Variants in SBNO1 observed in about 807,000 individuals in gnomAD.
The protein encoded by SBNO1 is protein strawberry notch homolog 1.
A neutral mutation model predicts 173.6 loss-of-function variants in SBNO1; 23 were observed. The observed-to-expected ratio is 0.13, with a 90% CI of 0.10 to 0.19. SBNO1 has a LOEUF of 0.19. Among genes scored for constraint, SBNO1 ranks in the 10% least tolerant of loss-of-function variants. The probability of loss-of-function intolerance (pLI) is 1.00; values close to 1 mark genes in which losing one functional copy is unlikely to be tolerated. For missense variants in SBNO1, 1,238 were observed against 1,671.2 expected (o/e 0.74, Z 4.52); for synonymous variants, 632 against 571.5 (o/e 1.11, Z -1.51).
At chr12:123,349,024 G>A (rs905374245) in intron 2 of SBNO1, 9 of 149,176 alleles carry the variant, frequency 6.0e-5, no homozygotes, top group South Asian at 2.1e-4. Context: ...TGAAGCAGTC[G>A]GAGTAGAGGA....
chr12:123,317,457 T>C (rs1869418759), intron 20 of SBNO1, 101 bp from the exon 21 acceptor site: 1 of 1,006,928 alleles, frequency 9.9e-7, no homozygotes, highest in African/African-American at 1.6e-5. Flanking sequence ...CTCTCCTTCT[T>C]TCTCAATAAT....
chr12:123,339,585 G>T (rs941978799), intron 5 of SBNO1, among the ~76,000 whole-genome samples: 1 of 151,954 alleles, frequency 6.6e-6, no homozygotes, highest in African/African-American at 2.4e-5. Flanking sequence ...TCAGGTATTC[G>T]AGACCAGCCT....
In SBNO1 at chr12:123,318,014, T is replaced by C. The variant is rs181437551; in HGVS notation, c.2800-658A>G. On this transcript the variant is annotated intron_variant, in intron 20 of 31. Coordinates refer to ENST00000602398, the MANE Select transcript of SBNO1 (RefSeq NM_001167856.3). ...TCTCACTCTGTCACACAAGCTGGAG[T>C]GCAGTGGTGCAATCATAGCTCTCTA... is the stretch of plus-strand genomic sequence containing the variant. 1.6e-4 allele frequency among the ~76,000 whole-genome samples: 25 copies of C among 152,234 alleles called. No homozygotes were observed. The East Asian group carries it at 4.6e-3, about 28-fold the overall frequency.
At chr12:123,323,980 C>A in intron 15 of SBNO1, 149 bp from the exon 16 acceptor site, 3 of 530,674 alleles carry the variant, frequency 5.7e-6, no homozygotes, top group South Asian at 9.6e-5. Flanking sequence ...TAGCCCAAAG[C>A]TGTCCAACTA....
intron 4 of SBNO1, among the ~76,000 whole-genome samples, chr12:123,344,166 G>A (rs1239183416): frequency 6.6e-6 from 1 of 152,164 alleles, no homozygotes; most frequent in Non-Finnish European, 1.5e-5. Context: ...GTAACGAGAA[G>A]CATCTTCCAC....
At chr12:123,310,955 T>G (rs1397763985) in intron 25 of SBNO1, 100 bp downstream of exon 25, 1 of 898,276 alleles carries the variant, frequency 1.1e-6, no homozygotes, top group African/African-American at 1.7e-5. Context: ...CAGAATGTTT[T>G]AAGAACATGA....
chr12:123,341,592 G>A (rs1323345717), intron 4 of SBNO1, among the ~76,000 whole-genome samples: 2 of 152,140 alleles, frequency 1.3e-5, no homozygotes, highest in Non-Finnish European at 2.9e-5. Flanking sequence ...CGCAATCTCA[G>A]CTGACTGCAA....
At chr12:123,311,178 C>T in intron 24 of SBNO1, 49 bp from the exon 25 acceptor site, 2 of 1,327,578 alleles carry the variant, frequency 1.5e-6, no homozygotes, top group Non-Finnish European at 2.2e-6. Flanking sequence ...GGGATGTCTA[C>T]AATGTACCAC....
chr12:123,353,747 G>C (rs1470440924), intron 1 of SBNO1, among the ~76,000 whole-genome samples: 1 of 152,070 alleles, frequency 6.6e-6, no homozygotes, highest in East Asian at 1.9e-4. Flanking sequence ...AAAATACTTC[G>C]TTAAGACTAA....
In SBNO1 at chr12:123,302,126, T is replaced by A. The variant is rs1460221072; in HGVS notation, c.3845+698A>T. 2.6e-5 allele frequency among the ~76,000 whole-genome samples: 4 copies of A among 151,184 alleles called. No homozygotes were observed. In the East Asian group the frequency reaches 5.9e-4, roughly 22 times the overall value. On this transcript the variant is annotated intron_variant, in intron 30 of 31. Coordinates refer to ENST00000602398, the MANE Select transcript of SBNO1 (RefSeq NM_001167856.3). ...CTAATTTTTTTTTTAGTAGAGAGGG[T>A]TTCTCCATGTTGGTCAGGCTGGTCT...
chr12:123,296,134 T>G (rs1267689447), intron 31 of SBNO1, 84 bp from the exon 32 acceptor site: 2 of 844,560 alleles, frequency 2.4e-6, no homozygotes, highest in Non-Finnish European at 3.9e-6. Flanking sequence ...AAATGAGGCA[T>G]AATATTAAGC....
At chr12:123,316,301 T>C (rs1869259090) in intron 21 of SBNO1, among the ~76,000 whole-genome samples, 1 of 152,204 alleles carries the variant, frequency 6.6e-6, no homozygotes, top group Non-Finnish European at 1.5e-5. Flanking sequence ...CTTGGCTCAC[T>C]GCAACCTCCG....
At chr12:123,337,657 T>G (rs143365448) in intron 5 of SBNO1, among the ~76,000 whole-genome samples, 60 of 152,266 alleles carry the variant, frequency 3.9e-4, no homozygotes, top group Non-Finnish European at 8.2e-4. Flanking sequence ...AAAATAAAAC[T>G]CAATTTCGGA....
intron 1 of SBNO1, among the ~76,000 whole-genome samples, chr12:123,363,140 A>G (rs1389132919): frequency 1.3e-5 from 2 of 152,142 alleles, no homozygotes; most frequent in African/African-American, 4.8e-5. Flanking sequence ...AATAAGTTGG[A>G]ATGGAAGATA....
rs1872505900 is a variant in SBNO1, at chr12:123,341,064, T to C, written c.575A>G (p.Lys192Arg). Residue 192 changes from lysine (K) to arginine (R), a missense_variant, in exon 5 of 32, where the codon AAG becomes AGG. Physicochemically the swap from Lys to Arg is conservative, Grantham distance 26. Around this residue, in one of 14 missense-constraint regions of SBNO1, gnomAD observed 287 missense variants for 274.1 expected, o/e 1.05. Coordinates refer to ENST00000602398, the MANE Select transcript of SBNO1 (RefSeq NM_001167856.3). ...TCCTTCTTTATTAGAAGACTCTTTC[T>C]TTACTGTACCATTGCTTACATCAGC... ...AATDVSNGTV[K>R]KESSNKEGAR... 6.3e-7 allele frequency: 1 copy of C among 1,594,154 alleles called. No homozygotes were observed. Among genetic ancestry groups the C allele is most frequent in the African/African-American group, 1.4e-5 (1 of 73,824 alleles).
At chr12:123,342,830 C>G (rs1310103476) in intron 4 of SBNO1, among the ~76,000 whole-genome samples, 1 of 152,184 alleles carries the variant, frequency 6.6e-6, no homozygotes, top group African/African-American at 2.4e-5. Flanking sequence ...GTGCGGAAAT[C>G]ACTGCCTTTA....
At chr12:123,357,096 G>A (rs1023909501) in intron 1 of SBNO1, among the ~76,000 whole-genome samples, 8 of 152,054 alleles carry the variant, frequency 5.3e-5, no homozygotes, top group Admixed American at 4.6e-4. Flanking sequence ...AGAACATCAG[G>A]AGAAAGAAAC....
intron 8 of SBNO1, among the ~76,000 whole-genome samples, chr12:123,330,722 G>A (rs1165600540): frequency 6.6e-6 from 1 of 151,918 alleles, no homozygotes; most frequent in South Asian, 2.1e-4. Context: ...GACTGCTTGA[G>A]CCCAGGAGTT....
chr12:123,319,881 G>A lies in SBNO1; in HGVS notation c.2799+19C>T. 2 of 1,610,516 alleles carry A rather than the reference G, an allele frequency of 1.2e-6. No homozygotes were observed. The highest frequency in any genetic ancestry group is 1.3e-5 in the African/African-American group (1 of 74,958). On this transcript the variant is annotated intron_variant, in intron 20 of 31. Coordinates refer to ENST00000602398, the MANE Select transcript of SBNO1 (RefSeq NM_001167856.3). ...CAGGCATTGTTCTTTTCACTGAGAAGCATCTCAGTAAAACATACCTTATCT... is the reference window on the plus strand; with the variant it reads ...CAGGCATTGTTCTTTTCACTGAGAAACATCTCAGTAAAACATACCTTATCT...
Sources: allele counts gnomAD v4.1 joint callset (sites outside exome capture counted in the v4.1 genomes callset), GRCh38; gene constraint gnomAD v4.1.1; regional missense constraint gnomAD v4.1.1; transcripts MANE v1.5; gene names NCBI Gene and HGNC (gene_info 2026-07-23, HGNC 2026-07-21).